CYP39A1: variants seen among roughly 807,000 people sequenced by gnomAD.
CYP39A1 encodes the protein 24-hydroxycholesterol 7-alpha-hydroxylase.
CYP39A1 carries 49 observed loss-of-function variants against 58.1 expected under a neutral mutation model. The ratio of observed to expected loss-of-function variants is 0.84; its 90% CI spans 0.67 to 1.07. The LOEUF (loss-of-function observed/expected upper bound fraction) is 1.07. Ranked by LOEUF, CYP39A1 falls within the 50% of genes least tolerant of loss-of-function variation. The pLI, the probability that CYP39A1 is intolerant of heterozygous loss-of-function variation, is 0.00. For missense variants in CYP39A1, 531 were observed against 539.4 expected, an observed-to-expected ratio of 0.98 and a Z score of 0.16; for synonymous variants, 209 against 187.6, an observed-to-expected ratio of 1.11 and a Z score of -0.93.
Position 46,637,893 on chromosome 6 carries a change from G to A in CYP39A1, c.574C>T (p.Gln192Ter). 6.2e-7 allele frequency: 1 copy of A among 1,613,046 alleles called. No homozygotes were observed. The highest frequency in any genetic ancestry group is 8.5e-7 in the Non-Finnish European group (1 of 1,179,730). ...TNKKKIKEFHQYFQVYDEDFE... is the reference protein window; with the variant it reads ...TNKKKIKEFH ...TCTTCATCATAAACTTGAAAATACT[G>A]ATGGAACTCCTTGATTTTTTTCTTG... Residue 192 changes from glutamine to a stop codon, truncating the protein, a stop_gained, in exon 4 of 12, where the codon CAG becomes TAG. Transcript: ENST00000275016. LOFTEE classifies it high-confidence loss of function.
chr6:46,552,514 T>A (rs1456308745), intron 11 of CYP39A1, among the ~76,000 whole-genome samples: 1 of 152,228 alleles, frequency 6.6e-6, no homozygotes, highest in Non-Finnish European at 1.5e-5. Context: ...TATTGAAATG[T>A]CACCTAAGAG....
At chr6:46,616,448 C>T (rs1028613125) in intron 7 of CYP39A1, among the ~76,000 whole-genome samples, 3 of 151,488 alleles carry the variant, frequency 2.0e-5, no homozygotes, top group African/African-American at 7.3e-5. Flanking sequence ...GAGATGGAGC[C>T]TCATTATATT....
chr6:46,613,236 G>A (rs1291116939), intron 7 of CYP39A1, among the ~76,000 whole-genome samples: 1 of 152,192 alleles, frequency 6.6e-6, no homozygotes, highest in East Asian at 1.9e-4. Flanking sequence ...AATGTCACCA[G>A]GTAACAGACG....
intron 5 of CYP39A1, among the ~76,000 whole-genome samples, chr6:46,634,523 G>GTTTTT (rs530045412): frequency 1.5e-5 from 2 of 131,024 alleles, no homozygotes; most frequent in South Asian, 2.4e-4. Flanking sequence ...TTTTCTTTTT[G>GTTTTT]CTTTTTTTTT....
Position 46,553,798 on chromosome 6 carries a change from T to C in CYP39A1, c.1307A>G (p.Asp436Gly). 1 of 1,611,304 alleles carries C rather than the reference T, an allele frequency of 6.2e-7. No individual in the cohort carries two copies. Among genetic ancestry groups the C allele is most frequent in the African/African-American group, 1.3e-5 (1 of 74,920 alleles). ...MCIILILYKYDCSLLDPLPKQ... is the reference protein window; with the variant it reads ...MCIILILYKYGCSLLDPLPKQ... ...GGGTAATGGGTCCAGAAGACTACAG[T>C]CATATTTATAAAGTATTAAAATAAT... is the stretch of plus-strand genomic sequence containing the variant. The change falls in exon 11 of 12, where the codon GAC becomes GGC. Residue 436 changes from aspartate (D) to glycine (G), a missense_variant. Asp to Gly is a moderately conservative substitution (Grantham distance 94). Coordinates refer to ENST00000275016, the MANE Select transcript of CYP39A1 (RefSeq NM_016593.5).
At chr6:46,615,154 A>G (rs761963180) in intron 7 of CYP39A1, among the ~76,000 whole-genome samples, 1 of 152,114 alleles carries the variant, frequency 6.6e-6, no homozygotes, top group Non-Finnish European at 1.5e-5. Flanking sequence ...TTTCTGTTGA[A>G]ACATAGGGTT....
At chr6:46,625,010 C>T (rs1178950833) in intron 7 of CYP39A1, among the ~76,000 whole-genome samples, 1 of 152,016 alleles carries the variant, frequency 6.6e-6, no homozygotes, top group Non-Finnish European at 1.5e-5. Flanking sequence ...CCTCTACAGT[C>T]CTATTAGGGC....
At chr6:46,641,458 A>T (rs557060577) in intron 2 of CYP39A1, among the ~76,000 whole-genome samples, 1 of 152,322 alleles carries the variant, frequency 6.6e-6, no homozygotes, top group Non-Finnish European at 1.5e-5. Flanking sequence ...ACCAAAGAAG[A>T]AAAAAGGGAA....
At chr6:46,590,541 G>GA (rs1183739298) in intron 8 of CYP39A1, among the ~76,000 whole-genome samples, 1 of 151,196 alleles carries the variant, frequency 6.6e-6, no homozygotes. Flanking sequence ...TGTTTGTGCC[G>GA]AAAAAAAATA....
chr6:46,586,087 A>G (rs747337720), intron 10 of CYP39A1, among the ~76,000 whole-genome samples: 1 of 152,148 alleles, frequency 6.6e-6, no homozygotes, highest in African/African-American at 2.4e-5. Context: ...TAGAATTTCC[A>G]TGATTGGCTA....
chr6:46,630,099 A>C (rs1035210570), intron 6 of CYP39A1, among the ~76,000 whole-genome samples: 3 of 149,248 alleles, frequency 2.0e-5, no homozygotes, highest in Admixed American at 6.6e-5. Flanking sequence ...CCATCTCAAA[A>C]AAACAAAACA....
In CYP39A1 at chr6:46,636,383, A is replaced by G. The variant is rs187820748; in HGVS notation, c.732+6T>C. ...CATTAGCAAAAGAAAGGTAAGAAATACTTACCATGGAATTATCTTTTGCAG... is the reference window on the plus strand; with the variant it reads ...CATTAGCAAAAGAAAGGTAAGAAATGCTTACCATGGAATTATCTTTTGCAG... On this transcript the variant is annotated splice_donor_region_variant and intron_variant, in intron 5 of 11. Coordinates refer to ENST00000275016, the MANE Select transcript of CYP39A1 (RefSeq NM_016593.5). 10,722 of 1,554,778 alleles carry G rather than the reference A, an allele frequency of 6.9e-3. 49 individuals carry two copies. The highest frequency in any genetic ancestry group is 8.2e-3 in the Non-Finnish European group (9,282 of 1,132,146).
At chr6:46,610,573 G>A (rs976896254) in intron 7 of CYP39A1, among the ~76,000 whole-genome samples, 10 of 152,088 alleles carry the variant, frequency 6.6e-5, no homozygotes, top group African/African-American at 2.4e-4. Context: ...TCAAACTCCT[G>A]GTCTCAAGCC....
chr6:46,606,885 T>C (rs1773882082), intron 7 of CYP39A1, among the ~76,000 whole-genome samples: 1 of 152,190 alleles, frequency 6.6e-6, no homozygotes, highest in South Asian at 2.1e-4. Flanking sequence ...TCCATATCTG[T>C]TATGTGCTAG....
At chr6:46,622,997 T>C (rs1202010560) in intron 7 of CYP39A1, among the ~76,000 whole-genome samples, 2 of 152,164 alleles carry the variant, frequency 1.3e-5, no homozygotes, top group East Asian at 1.9e-4. Context: ...TATAAGAAAG[T>C]TGGGCAAAGT....
At position 46,636,415 on chromosome 6, in the gene CYP39A1, A is replaced by G. The variant is rs753088931; in HGVS notation, c.706T>C (p.Cys236Arg). Residue 236 changes from cysteine (C) to arginine (R), a missense_variant, in exon 5 of 12, where the codon TGT (cysteine) becomes CGT (arginine). Coordinates refer to ENST00000275016, the MANE Select transcript of CYP39A1 (RefSeq NM_016593.5). ...ATGGAATTATCTTTTGCAGATTTAC[A>G]TGCTTTTATATCTGGAATGTTTTTC... ...FEKNIPDIKA[C>R]KSAKDNSMTL... 1.2e-6 allele frequency: 2 copies of G among 1,609,392 alleles called. No individual in the cohort carries two copies. Among genetic ancestry groups the G allele is most frequent in the Non-Finnish European group, 1.7e-6 (2 of 1,178,478 alleles).
intron 7 of CYP39A1, among the ~76,000 whole-genome samples, chr6:46,608,852 G>A (rs1332312657): frequency 6.6e-6 from 1 of 151,884 alleles, no homozygotes; most frequent in Non-Finnish European, 1.5e-5. Flanking sequence ...GACCTCAGGT[G>A]ATCCACCCAC....
chr6:46,638,513 A>G lies in CYP39A1; in HGVS notation c.489-535T>C, dbSNP rs556014808. Among the ~76,000 whole-genome samples the G allele has an allele frequency of 2.0e-5, 3 of 152,348 alleles. No homozygotes were observed. In the East Asian group the frequency reaches 5.8e-4, roughly 29 times the overall value. On this transcript the variant is annotated intron_variant, in intron 3 of 11. Transcript: ENST00000275016. ...GATTACTGTAGCATACTTAAGATAA[A>G]GAATATAAAATATTGTTAACATGCC...
chr6:46,560,983 T>C (rs1770941720), intron 10 of CYP39A1, among the ~76,000 whole-genome samples: 1 of 152,136 alleles, frequency 6.6e-6, no homozygotes, highest in Non-Finnish European at 1.5e-5. Flanking sequence ...AAAGCACCAA[T>C]ATGTGAAATT....
Sources: gnomAD v4.1 joint callset for allele counts (sites outside exome capture counted in the v4.1 genomes callset) on GRCh38, gnomAD v4.1.1 for gene constraint, MANE v1.5 for transcripts, NCBI Gene and HGNC (gene_info 2026-07-23, HGNC 2026-07-21) for gene names.